The following OR1J2 variants were observed in gnomAD, a reference collection of about 807,000 sequenced individuals.
OR1J2 encodes the protein olfactory receptor 1J2.
For missense variants in OR1J2, 304 were observed against 246.1 expected (o/e 1.24, Z -1.57); for synonymous variants, 142 against 99.7 (o/e 1.42, Z -2.52).
the OR1J2 span, among the ~76,000 whole-genome samples, chr9:122,542,612 T>C: frequency 6.6e-6 from 1 of 152,210 alleles, no homozygotes; most frequent in Non-Finnish European, 1.5e-5. Context: ...AAAACTTTAT[T>C]ATACTTGCTT....
At chr9:122,477,325 G>A in the OR1J2 span, 6 of 1,614,048 alleles carry the variant, frequency 3.7e-6, no homozygotes, top group Non-Finnish European at 1.7e-6. Context: ...CAATGCTGCT[G>A]TAAAGATTGC....
the OR1J2 span, among the ~76,000 whole-genome samples, chr9:122,452,351 G>A: frequency 6.6e-6 from 1 of 152,214 alleles, no homozygotes; most frequent in Admixed American, 6.5e-5. Flanking sequence ...CTGTTGCTCT[G>A]AGGGAGTAGC....
At chr9:122,546,923 C>A in the OR1J2 span, among the ~76,000 whole-genome samples, 1 of 152,108 alleles carries the variant, frequency 6.6e-6, no homozygotes, top group Non-Finnish European at 1.5e-5. Flanking sequence ...TATCCATCAT[C>A]TCGAACATTT....
At chr9:122,477,931 A>T in the OR1J2 span, 1 of 1,575,856 alleles carries the variant, frequency 6.3e-7, no homozygotes, top group Non-Finnish European at 8.6e-7. Flanking sequence ...GCTCATGTTT[A>T]TATCAGCTGG....
the OR1J2 span, among the ~76,000 whole-genome samples, chr9:122,550,842 G>A: frequency 1.5e-4 from 22 of 150,916 alleles, 1 homozygote; most frequent in South Asian, 4.4e-3. Flanking sequence ...ACTAGAGAAA[G>A]ACGAAGATGA....
the OR1J2 span, chr9:122,477,345 G>A: frequency 1.9e-6 from 3 of 1,614,062 alleles, no homozygotes; most frequent in African/African-American, 1.3e-5. Flanking sequence ...CTAACTGATT[G>A]AGGGAGGTGT....
At chr9:122,455,869 A>G in the OR1J2 span, among the ~76,000 whole-genome samples, 1 of 152,092 alleles carries the variant, frequency 6.6e-6, no homozygotes, top group Non-Finnish European at 1.5e-5. Context: ...TGAGTTTTGT[A>G]TATCCTATGA....
At chr9:122,495,598 T>C in the OR1J2 span, among the ~76,000 whole-genome samples, 1 of 152,114 alleles carries the variant, frequency 6.6e-6, no homozygotes, top group African/African-American at 2.4e-5. Flanking sequence ...TCCTGTATCA[T>C]GTTTTTGATT....
At chr9:122,515,546 A>T (rs1828689678), downstream of OR1J2, among the ~76,000 whole-genome samples, 1 of 151,934 alleles carries the variant, frequency 6.6e-6, no homozygotes, top group South Asian at 2.1e-4. Context: ...CTGGTTACAT[A>T]AATTGGTGGG....
the OR1J2 span, among the ~76,000 whole-genome samples, chr9:122,542,333 G>A: frequency 6.6e-6 from 1 of 152,280 alleles, no homozygotes; most frequent in Non-Finnish European, 1.5e-5. Flanking sequence ...CGCTTAGAGT[G>A]TACACCTAGA....
chr9:122,454,919 C>A, the OR1J2 span, among the ~76,000 whole-genome samples: 3 of 152,156 alleles, frequency 2.0e-5, no homozygotes, highest in Non-Finnish European at 1.5e-5. Flanking sequence ...CTGCTTCTGC[C>A]TCTATAAAGT....
chr9:122,532,896 G>A, the OR1J2 span, among the ~76,000 whole-genome samples: 1 of 152,082 alleles, frequency 6.6e-6, no homozygotes, highest in Non-Finnish European at 1.5e-5. Flanking sequence ...AGTCGGACAC[G>A]ATCAGCAGGG....
At chr9:122,488,898 A>C in the OR1J2 span, among the ~76,000 whole-genome samples, 150 of 152,166 alleles carry the variant, frequency 9.9e-4, no homozygotes, top group African/African-American at 3.4e-3. Flanking sequence ...GTACATGTGC[A>C]GAATGTGCAG....
At chr9:122,492,391 G>A in the OR1J2 span, among the ~76,000 whole-genome samples, 10 of 151,916 alleles carry the variant, frequency 6.6e-5, no homozygotes, top group East Asian at 1.9e-3. Flanking sequence ...TTTTTATTTA[G>A]TCCACCATTG....
the OR1J2 span, chr9:122,553,347 C>G: frequency 6.2e-7 from 1 of 1,613,990 alleles, no homozygotes; most frequent in Non-Finnish European, 8.5e-7. Flanking sequence ...GGTGGGGAAC[C>G]TGCTCATTAT....
chr9:122,468,482 A>C, the OR1J2 span, among the ~76,000 whole-genome samples: 1 of 152,232 alleles, frequency 6.6e-6, no homozygotes. Flanking sequence ...TAAAAAGCTA[A>C]AGGAGAAATT....
At chr9:122,552,057 A>ACTCTCTCT in the OR1J2 span, among the ~76,000 whole-genome samples, 3 of 144,072 alleles carry the variant, frequency 2.1e-5, no homozygotes, top group African/African-American at 7.6e-5. Context: ...ACACACATAC[A>ACTCTCTCT]CTCTCTCTCT....
At chr9:122,477,337 A>C in the OR1J2 span, 1 of 1,614,116 alleles carries the variant, frequency 6.2e-7, no homozygotes, top group Non-Finnish European at 8.5e-7. Flanking sequence ...AAAGATTGCT[A>C]ACTGATTGAG....
chr9:122,579,148 T>TG, the OR1J2 span, among the ~76,000 whole-genome samples: 1 of 152,060 alleles, frequency 6.6e-6, no homozygotes, highest in African/African-American at 2.4e-5. Flanking sequence ...TTTTCATGAA[T>TG]GGGGCTTGGT....
Sources: gnomAD v4.1 joint callset for allele counts (sites outside exome capture counted in the v4.1 genomes callset) on GRCh38, gnomAD v4.1.1 for gene constraint, MANE v1.5 for transcripts, NCBI Gene and HGNC (gene_info 2026-07-23, HGNC 2026-07-21) for gene names.